The following SLC16A12 variants were observed in gnomAD, a reference collection of about 807,000 sequenced individuals.
SLC16A12 encodes solute carrier family 16 member 12.
In SLC16A12, 17 loss-of-function variants were observed where a neutral mutation model predicts 42.4. That is an observed-to-expected ratio of 0.40 (90% CI 0.27 to 0.60). The LOEUF (loss-of-function observed/expected upper bound fraction) is 0.60, where lower values mean the gene tolerates loss of function less well. Ranked by LOEUF, SLC16A12 falls within the 20% of genes least tolerant of loss-of-function variation. SLC16A12 has a pLI of 0.42. For synonymous variants in SLC16A12, 224 were observed against 229.4 expected, an observed-to-expected ratio of 0.98 and a Z score of 0.21; for missense variants, 544 against 623.0, an observed-to-expected ratio of 0.87 and a Z score of 1.35.
chr10:89,516,358 C>T lies in SLC16A12; in HGVS notation c.-47+18143G>A, dbSNP rs142488097. On this transcript the variant is annotated intron_variant, in intron 2 of 7. Transcript: ENST00000371790. The stretch of plus-strand genomic sequence containing the variant: ...TACTTCACACTGGAGGCCCCCAAAA[C>T]GTCTGTCTTTGCAACCTCTGGTTTA... 2.0e-3 allele frequency among the ~76,000 whole-genome samples: 311 copies of T among 152,340 alleles called. 2 individuals are homozygous for T. The highest frequency in any genetic ancestry group is 0.017 in the Middle Eastern group (5 of 294).
chr10:89,527,638 A>AT (rs1843476315), intron 2 of SLC16A12, among the ~76,000 whole-genome samples: 1 of 112,036 alleles, frequency 8.9e-6, no homozygotes, highest in African/African-American at 6.1e-5. Context: ...TTCCATTTCT[A>AT]CAAAAAAAAA....
rs767170364 is a variant in SLC16A12 at position 89,438,741 on chromosome 10, G to A, written c.891C>T (p.Cys297=). 9 of 1,613,718 alleles carry A rather than the reference G, an allele frequency of 5.6e-6. No individual in the cohort carries two copies. In the African/African-American group the frequency reaches 9.3e-5, roughly 17 times the overall value. The change falls in exon 6 of 8, where the codon TGC becomes TGT. Residue 297 remains cysteine, a synonymous_variant. Coordinates refer to ENST00000371790, the MANE Select transcript of SLC16A12 (RefSeq NM_213606.4). The stretch of plus-strand genomic sequence containing the variant: ...GCACCAAGTACACAAAGAGAGGGCT[G>A]CAGCCATAAGCCATAAACAGAACGG... ...AVSVLFMAYG[C]SPLFVYLVPY...
upstream of SLC16A12, among the ~76,000 whole-genome samples, chr10:89,539,486 T>G (rs1486359135): frequency 6.6e-6 from 1 of 152,228 alleles, no homozygotes; most frequent in East Asian, 1.9e-4. Context: ...AATTTTCAGA[T>G]AGGATTCTGA....
At chr10:89,448,590 A>G (rs891075896) in intron 3 of SLC16A12, among the ~76,000 whole-genome samples, 1 of 152,218 alleles carries the variant, frequency 6.6e-6, no homozygotes, top group Non-Finnish European at 1.5e-5. Context: ...TAAACTAGGT[A>G]TTGATGGAAT....
intron 2 of SLC16A12, among the ~76,000 whole-genome samples, chr10:89,498,935 T>C (rs1842959815): frequency 6.6e-6 from 1 of 150,822 alleles, no homozygotes; most frequent in African/African-American, 2.4e-5. Flanking sequence ...AAGGGGAGAG[T>C]ACTACATCAA....
Position 89,462,457 on chromosome 10 carries a change from G to T in SLC16A12, c.122C>A (p.Ser41Tyr), listed in dbSNP as rs1235291781. Reference protein sequence around the residue: ...MAKVNRARSTSPPDGGWGWMI... With the variant: ...MAKVNRARSTYPPDGGWGWMI... ...CCAGCCCCAGCCTCCATCTGGAGGG[G>T]AGGTAGACCGAGCTCTATTTACTTT... Residue 41 changes from serine to tyrosine, a missense_variant, in exon 3 of 8, where the codon TCC becomes TAC. Transcript: ENST00000371790. 12 of 1,613,934 alleles carry T rather than the reference G, an allele frequency of 7.4e-6. No homozygotes were observed. The highest frequency in any genetic ancestry group is 1.0e-5 in the Non-Finnish European group (12 of 1,179,972).
At chr10:89,554,135 G>GGAAA in intron 2 of SLC16A12, among the ~76,000 whole-genome samples, 1 of 139,810 alleles carries the variant, frequency 7.2e-6, no homozygotes, top group Admixed American at 6.9e-5. Flanking sequence ...AAGGAAGGAA[G>GGAAA]GAAGGAAGGA....
chr10:89,438,199 G>A (rs955731409), intron 6 of SLC16A12, among the ~76,000 whole-genome samples: 19 of 152,128 alleles, frequency 1.2e-4, no homozygotes, highest in African/African-American at 3.4e-4. Context: ...AATTAAGAAC[G>A]GTTTTTCCGT....
At chr10:89,486,623 G>C (rs1390414507) in intron 2 of SLC16A12, among the ~76,000 whole-genome samples, 1 of 37,240 alleles carries the variant, frequency 2.7e-5, no homozygotes, top group East Asian at 7.1e-4. Flanking sequence ...AAGAAAGAAA[G>C]AAAGAAAGAA....
chr10:89,444,508 G>T (rs1852657537), intron 3 of SLC16A12, among the ~76,000 whole-genome samples: 1 of 152,150 alleles, frequency 6.6e-6, no homozygotes, highest in Non-Finnish European at 1.5e-5. Flanking sequence ...AAATGATGAT[G>T]TTGATCTGTA....
At chr10:89,546,889 T>C (rs1372202024) in intron 2 of SLC16A12, among the ~76,000 whole-genome samples, 1 of 152,186 alleles carries the variant, frequency 6.6e-6, no homozygotes, top group African/African-American at 2.4e-5. Context: ...TGCAGGGACA[T>C]GGATAAAGCT....
chr10:89,507,725 A>G (rs1843087746), intron 2 of SLC16A12, among the ~76,000 whole-genome samples: 1 of 152,146 alleles, frequency 6.6e-6, no homozygotes, highest in Non-Finnish European at 1.5e-5. Flanking sequence ...TTCACACATA[A>G]CAATATTAAC....
chr10:89,438,680 C>T lies in SLC16A12; in HGVS notation c.952G>A (p.Ala318Thr), dbSNP rs907771363. 1 of 1,613,924 alleles carries T rather than the reference C, an allele frequency of 6.2e-7. No individual in the cohort carries two copies. Among genetic ancestry groups the T allele is most frequent in the Non-Finnish European group, 8.5e-7 (1 of 1,179,996 alleles). The change falls in exon 6 of 8, where the codon GCT becomes ACT. Residue 318 changes from alanine (A) to threonine (T), a missense_variant. By Grantham distance (58) the Ala-to-Thr change is moderately conservative (BLOSUM62 0). Coordinates refer to ENST00000371790, the MANE Select transcript of SLC16A12 (RefSeq NM_213606.4). ...ALSVGVSHQQ[A>T]AFLMSILGVI... ...CCAAGTATGGACATAAGAAAAGCAG[C>T]TTGCTGATGACTCACTCCAACACTC...
At chr10:89,536,123 C>T (rs867885105), upstream of SLC16A12, among the ~76,000 whole-genome samples, 1 of 152,194 alleles carries the variant, frequency 6.6e-6, no homozygotes, top group South Asian at 2.1e-4. Context: ...GGACCCTCCC[C>T]GGGAAGAGCC....
intron 2 of SLC16A12, among the ~76,000 whole-genome samples, chr10:89,513,705 A>T (rs1843199838): frequency 6.6e-6 from 1 of 152,198 alleles, no homozygotes; most frequent in Admixed American, 6.5e-5. Flanking sequence ...TAACACTGAG[A>T]AATCAGAGAC....
chr10:89,521,391 G>A (rs908659484), intron 2 of SLC16A12, among the ~76,000 whole-genome samples: 5 of 152,184 alleles, frequency 3.3e-5, no homozygotes, highest in Non-Finnish European at 7.4e-5. Flanking sequence ...CTTCATATGT[G>A]GGGCTTTCTA....
At chr10:89,529,302 C>A (rs532959451) in intron 2 of SLC16A12, among the ~76,000 whole-genome samples, 1 of 151,774 alleles carries the variant, frequency 6.6e-6, no homozygotes, top group South Asian at 2.1e-4. Flanking sequence ...GTAATTATGG[C>A]CCTAATTTAT....
chr10:89,491,378 A>AAAATAT, intron 2 of SLC16A12, among the ~76,000 whole-genome samples: 1 of 152,326 alleles, frequency 6.6e-6, no homozygotes, highest in Non-Finnish European at 1.5e-5. Context: ...AATAAAAATA[A>AAAATAT]AAACAAAAAA....
intron 2 of SLC16A12, among the ~76,000 whole-genome samples, chr10:89,522,836 A>G (rs1210833192): frequency 6.6e-6 from 1 of 152,202 alleles, no homozygotes; most frequent in Non-Finnish European, 1.5e-5. Flanking sequence ...TGAGTTATCT[A>G]TGTAAGGTAT....
Sources: allele counts gnomAD v4.1 joint callset (sites outside exome capture counted in the v4.1 genomes callset), GRCh38; gene constraint gnomAD v4.1.1; transcripts MANE v1.5; gene names NCBI Gene and HGNC (gene_info 2026-07-23, HGNC 2026-07-21).